MYO5B: variants seen among roughly 807,000 people sequenced by gnomAD.
MYO5B encodes unconventional myosin-Vb.
MYO5B carries 143 observed loss-of-function variants against 229.3 expected under a neutral mutation model. The observed-to-expected ratio is 0.62, with a 90% CI of 0.54 to 0.72. The LOEUF (loss-of-function observed/expected upper bound fraction) is 0.72, where lower values mean the gene tolerates loss of function less well. Ranked by LOEUF, MYO5B falls within the 30% of genes least tolerant of loss-of-function variation. The pLI is 0.00. For synonymous variants in MYO5B, 918 were observed against 885.2 expected (o/e 1.04, Z -0.66); for missense variants, 2,321 against 2,331.0 (o/e 1.00, Z 0.09).
chr18:50,023,742 G>A (rs2026301588), intron 4 of MYO5B, among the ~76,000 whole-genome samples: 1 of 152,170 alleles, frequency 6.6e-6, no homozygotes, highest in South Asian at 2.1e-4. Context: ...GGCAGGCCCT[G>A]GGGCTGTGGT....
intron 8 of MYO5B, among the ~76,000 whole-genome samples, chr18:49,983,066 T>C (rs1432093839): frequency 6.6e-6 from 1 of 152,170 alleles, no homozygotes; most frequent in Non-Finnish European, 1.5e-5. Context: ...TGCCCAACTC[T>C]GGAGACTAGG....
At chr18:50,190,365 G>A (rs1224271094) in intron 1 of MYO5B, among the ~76,000 whole-genome samples, 1 of 152,214 alleles carries the variant, frequency 6.6e-6, no homozygotes, top group Admixed American at 6.5e-5. Context: ...TGGGTTGGAA[G>A]CCAAGCACTC....
chr18:50,048,064 T>C (rs1312661923), intron 2 of MYO5B, among the ~76,000 whole-genome samples: 5 of 147,008 alleles, frequency 3.4e-5, no homozygotes, highest in Non-Finnish European at 5.9e-5. Context: ...GTTGTGCACA[T>C]GTACCCAAAA....
At chr18:49,980,719 A>C (rs2025805307) in intron 8 of MYO5B, among the ~76,000 whole-genome samples, 166 bp from the exon 9 acceptor site, 1 of 152,080 alleles carries the variant, frequency 6.6e-6, no homozygotes, top group African/African-American at 2.4e-5. Context: ...TACCACTCAC[A>C]GTAACAGCTC....
intron 1 of MYO5B, among the ~76,000 whole-genome samples, chr18:50,145,447 G>A (rs1386068367): frequency 7.7e-6 from 1 of 130,262 alleles, no homozygotes; most frequent in Non-Finnish European, 1.6e-5. Flanking sequence ...AGATTGAGCT[G>A]AGATCACACC....
At chr18:49,863,136 G>T (rs2144078104) in intron 29 of MYO5B, 91 bp downstream of exon 29, 3 of 935,030 alleles carry the variant, frequency 3.2e-6, no homozygotes, top group Admixed American at 1.7e-5. Flanking sequence ...TGAGCACATG[G>T]TCATCACCTG....
intron 2 of MYO5B, among the ~76,000 whole-genome samples, chr18:50,046,865 C>A (rs2030243034): frequency 6.6e-6 from 1 of 152,096 alleles, no homozygotes; most frequent in South Asian, 2.1e-4. Context: ...ATAAATGGTG[C>A]TGGGAAAACT....
intron 1 of MYO5B, among the ~76,000 whole-genome samples, chr18:50,166,406 A>T (rs2032852576): frequency 6.6e-6 from 1 of 152,210 alleles, no homozygotes; most frequent in Non-Finnish European, 1.5e-5. Flanking sequence ...AGACATAAGC[A>T]AGCAAATTTG....
rs1359728462 is a variant in MYO5B at position 49,839,283 on chromosome 18, A to C, written c.4713T>G (p.Thr1571=). The C allele has an allele frequency of 6.2e-7, 1 of 1,613,922 alleles. No homozygotes were observed. The highest frequency in any genetic ancestry group is 8.5e-7 in the Non-Finnish European group (1 of 1,180,028). ...KQYSGDEGFM[T]QNTAKQNEHC... The stretch of plus-strand genomic sequence containing the variant: ...GTTCATTCTGCTTTGCAGTGTTCTG[A>C]GTCATGAAGCCCTGCAGAGGGAGAG... The change falls in exon 36 of 40, where the codon ACT becomes ACG. Residue 1571 remains threonine (T), a synonymous_variant. Transcript: ENST00000285039.
At chr18:50,026,301 G>A (rs1455752748) in intron 4 of MYO5B, among the ~76,000 whole-genome samples, 1 of 1,346 alleles carries the variant, frequency 7.4e-4, no homozygotes, top group Non-Finnish European at 1.2e-3. Flanking sequence ...TACGTTTACA[G>A]TGTCTGTAAA....
chr18:49,968,777 T>A (rs1334794187), intron 10 of MYO5B, among the ~76,000 whole-genome samples: 3 of 152,216 alleles, frequency 2.0e-5, no homozygotes, highest in Non-Finnish European at 2.9e-5. Flanking sequence ...GGGCACTGAC[T>A]TTTTTAGCTT....
At chr18:50,110,220 C>T (rs1401494527) in intron 1 of MYO5B, among the ~76,000 whole-genome samples, 1 of 143,736 alleles carries the variant, frequency 7.0e-6, no homozygotes, top group Non-Finnish European at 1.5e-5. Context: ...TCGAATTTCA[C>T]CATCACCTCC....
At chr18:49,974,779 T>TCACACACACA (rs111420791) in intron 9 of MYO5B, among the ~76,000 whole-genome samples, 164 bp from the exon 10 acceptor site, 72 of 117,114 alleles carry the variant, frequency 6.1e-4, no homozygotes, top group Admixed American at 9.1e-4. Context: ...GCAGTCTCTC[T>TCACACACACA]CACACACACA....
rs117996919 is a variant in MYO5B at position 49,963,205 on chromosome 18, T to C, written c.1323-175A>G. 4.0e-4 allele frequency among the ~76,000 whole-genome samples: 61 copies of C among 152,142 alleles called. No individual in the cohort carries two copies. The East Asian group carries it at 7.9e-3, about 20-fold the overall frequency. On this transcript the variant is annotated intron_variant, in intron 10 of 39. Transcript: ENST00000285039. ...GAAGTTAGCACTACACAGAGCCTAA[T>C]TGAAGAACATGTCTATTTTCAAAAC...
intron 17 of MYO5B, among the ~76,000 whole-genome samples, chr18:49,928,786 C>A (rs2025157371): frequency 6.6e-6 from 1 of 152,134 alleles, no homozygotes; most frequent in African/African-American, 2.4e-5. Flanking sequence ...ACTACTCAGC[C>A]ATAAAAAGGA....
At chr18:50,139,936 C>T (rs1012682887) in intron 1 of MYO5B, among the ~76,000 whole-genome samples, 2 of 152,128 alleles carry the variant, frequency 1.3e-5, no homozygotes, top group Non-Finnish European at 2.9e-5. Flanking sequence ...TTATCAAACA[C>T]CATAGCTGAC....
chr18:49,922,502 G>A (rs533580374), intron 17 of MYO5B, among the ~76,000 whole-genome samples: 2 of 152,156 alleles, frequency 1.3e-5, no homozygotes, highest in Non-Finnish European at 2.9e-5. Context: ...TAAATGGTGA[G>A]GATGATTCGA....
intron 4 of MYO5B, among the ~76,000 whole-genome samples, chr18:50,011,296 C>G (rs905030214): frequency 2.6e-5 from 4 of 152,126 alleles, no homozygotes; most frequent in South Asian, 2.1e-4. Context: ...GAGCCAAGAT[C>G]GTGCCACTGC....
chr18:50,012,621 C>A (rs906705731), intron 4 of MYO5B, among the ~76,000 whole-genome samples: 2 of 152,200 alleles, frequency 1.3e-5, no homozygotes, highest in African/African-American at 4.8e-5. Context: ...ATCGCCCAGG[C>A]CCAATGCAAA....
Sources: allele counts gnomAD v4.1 joint callset (sites outside exome capture counted in the v4.1 genomes callset), GRCh38; gene constraint gnomAD v4.1.1; transcripts MANE v1.5; gene names NCBI Gene and HGNC (gene_info 2026-07-23, HGNC 2026-07-21).